Variants in SOX5 observed in about 807,000 individuals in gnomAD.
The protein encoded by SOX5 is transcription factor SOX-5.
A neutral mutation model predicts 92.0 loss-of-function variants in SOX5; 9 were observed. That is an observed-to-expected ratio of 0.10 (90% confidence interval 0.06 to 0.17). The LOEUF (loss-of-function observed/expected upper bound fraction) is 0.17. SOX5 is among the 10% of genes least tolerant of loss of function. SOX5 has a pLI of 1.00. For missense variants in SOX5, 642 were observed against 944.5 expected, an observed-to-expected ratio of 0.68 and a Z score of 4.20; for synonymous variants, 344 against 336.3, an observed-to-expected ratio of 1.02 and a Z score of -0.25.
chr12:23,903,321 C>A (rs1015325416), intron 1 of SOX5, among the ~76,000 whole-genome samples: 2 of 152,148 alleles, frequency 1.3e-5, no homozygotes, highest in Non-Finnish European at 1.5e-5. Context: ...TGTGGTTGCT[C>A]ACCCCTTTAT....
At chr12:23,667,991 C>T (rs1379305846) in intron 6 of SOX5, among the ~76,000 whole-genome samples, 2 of 152,182 alleles carry the variant, frequency 1.3e-5, no homozygotes, top group Non-Finnish European at 2.9e-5. Flanking sequence ...AATAATGCCA[C>T]TTTCCTGGTC....
chr12:24,107,077 T>C (rs1946776579), intron 4 of SOX5, among the ~76,000 whole-genome samples: 1 of 152,100 alleles, frequency 6.6e-6, no homozygotes, highest in African/African-American at 2.4e-5. Flanking sequence ...TCATCATTTA[T>C]ACTATTCCTC....
At chr12:23,715,428 TAACA>T (rs2092417567) in intron 6 of SOX5, among the ~76,000 whole-genome samples, 1 of 152,214 alleles carries the variant, frequency 6.6e-6, no homozygotes, top group African/African-American at 2.4e-5. Flanking sequence ...CAGTAAATGC[TAACA>T]AATAGAGAAA....
chr12:23,973,957 TA>T (rs1334794193), intron 4 of SOX5, among the ~76,000 whole-genome samples: 1 of 152,162 alleles, frequency 6.6e-6, no homozygotes, highest in Non-Finnish European at 1.5e-5. Context: ...TGTGCCTGAA[TA>T]AAAAATTGTC....
At chr12:23,671,020 T>A (rs1175891566) in intron 6 of SOX5, among the ~76,000 whole-genome samples, 1 of 151,990 alleles carries the variant, frequency 6.6e-6, no homozygotes, top group Non-Finnish European at 1.5e-5. Context: ...GAAATAAAAA[T>A]TGCTTTTGAT....
chr12:23,563,971 C>T (rs1211901842), intron 10 of SOX5, among the ~76,000 whole-genome samples: 2 of 152,084 alleles, frequency 1.3e-5, no homozygotes. Flanking sequence ...CCACAGGTGG[C>T]AGTGGTTTGC....
intron 1 of SOX5, among the ~76,000 whole-genome samples, chr12:24,467,397 G>A (rs1026742458): frequency 1.3e-5 from 2 of 152,192 alleles, no homozygotes; most frequent in Non-Finnish European, 2.9e-5. Context: ...CGTGCAATGG[G>A]AAATGACTTC....
chr12:24,173,530 A>C (rs1167975936), intron 4 of SOX5, among the ~76,000 whole-genome samples: 1 of 152,226 alleles, frequency 6.6e-6, no homozygotes, highest in Non-Finnish European at 1.5e-5. Context: ...TTCACAAGGA[A>C]TGCAGCCTTT....
chr12:23,972,079 GA>G (rs1233438094), intron 4 of SOX5, among the ~76,000 whole-genome samples: 3 of 152,122 alleles, frequency 2.0e-5, no homozygotes, highest in African/African-American at 7.2e-5. Flanking sequence ...ACACAAAAGA[GA>G]TTAAAATTCT....
At chr12:24,060,670 T>C (rs1342473542) in intron 4 of SOX5, among the ~76,000 whole-genome samples, 4 of 152,198 alleles carry the variant, frequency 2.6e-5, no homozygotes, top group African/African-American at 9.7e-5. Context: ...CGTCATCTTC[T>C]CAGCCTCGAG....
chr12:23,730,961 G>T (rs1234777528), intron 6 of SOX5, among the ~76,000 whole-genome samples: 1 of 152,192 alleles, frequency 6.6e-6, no homozygotes, highest in African/African-American at 2.4e-5. Context: ...AGATTAGCAC[G>T]TGAGTCTAAG....
At chr12:24,451,125 C>A (rs1423277908) in intron 1 of SOX5, among the ~76,000 whole-genome samples, 1 of 152,208 alleles carries the variant, frequency 6.6e-6, no homozygotes, top group Admixed American at 6.5e-5. Flanking sequence ...ATGACAGGAT[C>A]TCATCCTTTT....
At chr12:24,091,486 G>A (rs1319470298) in intron 4 of SOX5, among the ~76,000 whole-genome samples, 1 of 141,662 alleles carries the variant, frequency 7.1e-6, no homozygotes, top group African/African-American at 2.7e-5. Context: ...CTGGAGTGCA[G>A]TGGCGCGATC....
In SOX5 at chr12:24,511,819, G is replaced by A. The variant is rs568726089; in HGVS notation, c.-251+50510C>T. On this transcript the variant is annotated intron_variant, in intron 1 of 4. Coordinates refer to the SOX5 transcript ENST00000446891. ...TAAAACTACAAAAAATTAGCCGGGCGTGGTGGCGGGTGCCTGTAGTCCCAG... is the reference window on the plus strand; with the variant it reads ...TAAAACTACAAAAAATTAGCCGGGCATGGTGGCGGGTGCCTGTAGTCCCAG... 7.0e-4 allele frequency among the ~76,000 whole-genome samples: 107 copies of A among 152,038 alleles called. 1 individual carries two copies. Among genetic ancestry groups the A allele is most frequent in the African/African-American group, 1.9e-3 (79 of 41,484 alleles).
At chr12:23,752,147 T>C (rs901788925) in intron 4 of SOX5, among the ~76,000 whole-genome samples, 2 of 146,024 alleles carry the variant, frequency 1.4e-5, no homozygotes, top group African/African-American at 5.1e-5. Flanking sequence ...TGGTCTAGAA[T>C]TTTTGTTAAA....
intron 9 of SOX5, among the ~76,000 whole-genome samples, chr12:23,596,274 A>G (rs763189463): frequency 2.8e-4 from 42 of 152,204 alleles, no homozygotes; most frequent in Non-Finnish European, 4.4e-5. Context: ...AAATACTATT[A>G]GTATTCTTTA....
intron 2 of SOX5, among the ~76,000 whole-genome samples, chr12:24,285,728 C>A (rs944583610): frequency 5.9e-5 from 9 of 152,124 alleles, no homozygotes; most frequent in Admixed American, 3.3e-4. Context: ...CATGACCTTC[C>A]AGTGTTAGGA....
At chr12:24,491,852 T>G (rs1566298256) in intron 1 of SOX5, among the ~76,000 whole-genome samples, 1 of 152,162 alleles carries the variant, frequency 6.6e-6, no homozygotes, top group Admixed American at 6.5e-5. Flanking sequence ...CGTTTCACAC[T>G]CCAAGCAGAG....
intron 4 of SOX5, among the ~76,000 whole-genome samples, chr12:23,960,036 C>T (rs1336570119): frequency 6.6e-6 from 1 of 152,158 alleles, no homozygotes; most frequent in Non-Finnish European, 1.5e-5. Flanking sequence ...TGATTTGGCT[C>T]AGCCACCTTC....
Sources: allele counts gnomAD v4.1 joint callset (sites outside exome capture counted in the v4.1 genomes callset), GRCh38; gene constraint gnomAD v4.1.1; transcripts MANE v1.5; gene names NCBI Gene and HGNC (gene_info 2026-07-23, HGNC 2026-07-21).